Variants in WDR33 observed in about 807,000 individuals in gnomAD.
WDR33 encodes WD repeat domain 33.
In WDR33, 47 loss-of-function variants were observed where a neutral mutation model predicts 164.9. The ratio of observed to expected loss-of-function variants is 0.29; its 90% CI spans 0.23 to 0.36. WDR33 has a LOEUF of 0.36. Among genes scored for constraint, WDR33 ranks in the 10% least tolerant of loss-of-function variants. The probability of loss-of-function intolerance (pLI) is 1.00; values close to 1 mark genes in which losing one functional copy is unlikely to be tolerated. For synonymous variants in WDR33, 505 were observed against 589.0 expected (o/e 0.86, Z 2.06); for missense variants, 1,137 against 1,754.1 (o/e 0.65, Z 6.28).
At chr2:127,731,693 G>C (rs1686710795) in intron 7 of WDR33, among the ~76,000 whole-genome samples, 1 of 152,122 alleles carries the variant, frequency 6.6e-6, no homozygotes, top group Non-Finnish European at 1.5e-5. Flanking sequence ...GGACCTTTTT[G>C]GGGGTTTTGG....
At chr2:127,778,644 C>A (rs1225066610) in intron 1 of WDR33, among the ~76,000 whole-genome samples, 1 of 151,914 alleles carries the variant, frequency 6.6e-6, no homozygotes, top group African/African-American at 2.4e-5. Flanking sequence ...GGCACTATTA[C>A]AAGGGATATA....
intron 7 of WDR33, among the ~76,000 whole-genome samples, chr2:127,754,981 C>G (rs1216780611): frequency 6.6e-6 from 1 of 152,122 alleles, no homozygotes; most frequent in African/African-American, 2.4e-5. Flanking sequence ...AAAAATGAAG[C>G]TCCACCACTC....
chr2:127,765,820 C>T (rs1687804266), intron 4 of WDR33, among the ~76,000 whole-genome samples: 1 of 151,442 alleles, frequency 6.6e-6, no homozygotes, highest in Non-Finnish European at 1.5e-5. Context: ...AGTAAGCTCT[C>T]CTCCATTCAA....
intron 7 of WDR33, chr2:127,737,591 CT>C: frequency 3.0e-6 from 3 of 995,848 alleles, no homozygotes; most frequent in Non-Finnish European, 3.6e-6. Context: ...AGTACCTACA[CT>C]ACGTTAATAA....
intron 7 of WDR33, among the ~76,000 whole-genome samples, chr2:127,761,355 G>A (rs921924046): frequency 5.9e-5 from 9 of 151,680 alleles, no homozygotes; most frequent in African/African-American, 1.9e-4. Context: ...CGCCCACCAC[G>A]ACACCCAGCT....
Position 127,719,703 on chromosome 2 carries a change from T to A in WDR33, c.2322A>T (p.Gly774=). 3 of 1,613,558 alleles carry A rather than the reference T, an allele frequency of 1.9e-6. No homozygotes were observed. Among genetic ancestry groups the A allele is most frequent in the Non-Finnish European group, 2.5e-6 (3 of 1,179,892 alleles). ...CTCTTGGATTCAATCCCATCAGAGG[T>A]CCCTGAGACACAGGACCTTGGATCC... is the stretch of plus-strand genomic sequence containing the variant. ...SQGIQGPVSQ[G]PLMGLNPRGM... Residue 774 remains glycine (G), a synonymous_variant, in exon 16 of 22, where the codon GGA becomes GGT. Coordinates refer to ENST00000322313, the MANE Select transcript of WDR33 (RefSeq NM_018383.5). This position sits in a 1 kb window ranked among gnomAD's most constrained non-coding sequence, Gnocchi z 6.5.
intron 1 of WDR33, among the ~76,000 whole-genome samples, chr2:127,773,546 G>A (rs1688080976): frequency 6.6e-6 from 1 of 152,092 alleles, no homozygotes; most frequent in Non-Finnish European, 1.5e-5. Flanking sequence ...AAGGTCCTTG[G>A]CAAACATTAA....
At position 127,712,199 on chromosome 2, in the gene WDR33, C is replaced by T. The variant is rs191292996; in HGVS notation, c.3308+1384G>A. Among the ~76,000 whole-genome samples, 249 of 152,056 alleles carry T rather than the reference C, an allele frequency of 1.6e-3. No individual in the cohort carries two copies. Among genetic ancestry groups the T allele is most frequent in the Non-Finnish European group, 3.2e-3 (219 of 67,962 alleles). On this transcript the variant is annotated intron_variant, in intron 18 of 21. Transcript: ENST00000322313. The surrounding 1 kb of genome is among the most constrained non-coding windows in gnomAD (Gnocchi z 4.0). ...ATCACTTGAGGTCAGGAGTTCAAGA[C>T]GAGCCTGGCCAACATGGTGAAACCT...
chr2:127,701,871 G>A lies in WDR33; in HGVS notation c.*4452C>T, dbSNP rs1297222881. 1 of 1,459,964 alleles carries A rather than the reference G, an allele frequency of 6.8e-7. No individual in the cohort carries two copies. 90.4% of individuals were successfully genotyped at this position (1,459,964 alleles called of 1,614,324 possible). On this transcript the variant is annotated 3_prime_UTR_variant, in exon 22 of 22. Transcript: ENST00000322313. ...CAAGTTCGCGCTGCTCTGGTCACTG[G>A]GCTCGGCGCTGGCGTTGGCGGGAAG...
At chr2:127,751,574 A>G (rs1687364553) in intron 7 of WDR33, among the ~76,000 whole-genome samples, 1 of 151,880 alleles carries the variant, frequency 6.6e-6, no homozygotes, top group Non-Finnish European at 1.5e-5. Flanking sequence ...TAAATTTTAA[A>G]ATCAGAATAC....
At chr2:127,794,849 A>AAAAAGAAAG (rs1553481251) in intron 1 of WDR33, among the ~76,000 whole-genome samples, 7 of 142,678 alleles carry the variant, frequency 4.9e-5, no homozygotes, top group Admixed American at 1.4e-4. Context: ...AAAAAAAAAA[A>AAAAAGAAAG]AAAGAAAGAA....
In WDR33 at chr2:127,721,656, A is replaced by T. The variant is rs72846245; in HGVS notation, c.1671+180T>A. Among the ~76,000 whole-genome samples, 19,421 of 152,212 alleles carry T rather than the reference A, an allele frequency of 0.13. 1,363 individuals are homozygous for T. The highest frequency in any genetic ancestry group is 0.22 in the Middle Eastern group (66 of 294). ...ACAAAATACATAAATAACACATTTT[A>T]AAAAATTTTAAGAAACAGGATTCTT... On this transcript the variant is annotated intron_variant, in intron 15 of 21. Transcript: ENST00000322313. This position sits in a 1 kb window ranked among gnomAD's most constrained non-coding sequence, Gnocchi z 4.9.
At chr2:127,725,279 T>A (rs1310386478) in intron 8 of WDR33, 64 bp from the exon 9 acceptor site, 2 of 1,502,126 alleles carry the variant, frequency 1.3e-6, no homozygotes. Context: ...AATGGCCATT[T>A]TTGTTGAAAA....
rs111504277 is a variant in WDR33 at position 127,722,018 on chromosome 2, C to G, written c.1519-30G>C. The G allele has an allele frequency of 1.1e-5, 17 of 1,601,444 alleles. No homozygotes were observed. The highest frequency in any genetic ancestry group is 1.8e-5 in the Admixed American group (1 of 56,110). ...GGAAAGAAGAGAATATTAAAATGTA[C>G]GCTAAGTATGAAAATTACAATGATA... On this transcript the variant is annotated intron_variant, in intron 14 of 21. Coordinates refer to ENST00000322313, the MANE Select transcript of WDR33 (RefSeq NM_018383.5). The surrounding 1 kb of genome is among the most constrained non-coding windows in gnomAD (Gnocchi z 5.1).
intron 1 of WDR33, among the ~76,000 whole-genome samples, chr2:127,791,159 A>AC (rs1270529963): frequency 0.036 from 1,239 of 34,302 alleles, 6 homozygotes; most frequent in Middle Eastern, 0.069. Flanking sequence ...CTCTTTCCCC[A>AC]CCCCACCCCC....
At position 127,704,677 on chromosome 2, in the gene WDR33, C is replaced by T. The variant is rs766579945; in HGVS notation, c.*1646G>A. 3.0e-5 allele frequency: 5 copies of T among 167,064 alleles called. No individual in the cohort carries two copies. Among genetic ancestry groups the T allele is most frequent in the Non-Finnish European group, 5.9e-5 (4 of 68,112 alleles). The allele number at this position is 167,064 out of a possible 1,614,324, so 10.3% of individuals were successfully genotyped here. A position where few individuals can be genotyped will look rare whatever the true frequency, so the allele number is the denominator to read the frequency against. On this transcript the variant is annotated 3_prime_UTR_variant, in exon 22 of 22. Coordinates refer to ENST00000322313, the MANE Select transcript of WDR33 (RefSeq NM_018383.5). Reference sequence around the variant, plus strand: ...AAGCAGTGTATATGGCTGACATTTTCTCACTCCACAGAAATCAATTAGCTT... The same window carrying T: ...AAGCAGTGTATATGGCTGACATTTTTTCACTCCACAGAAATCAATTAGCTT...
At chr2:127,799,666 G>A (rs1205940835) in intron 1 of WDR33, among the ~76,000 whole-genome samples, 1 of 152,114 alleles carries the variant, frequency 6.6e-6, no homozygotes, top group Admixed American at 6.6e-5. Flanking sequence ...ATGGTGGCAG[G>A]CACCTGTAAT....
chr2:127,783,093 T>G (rs185229648), intron 1 of WDR33, among the ~76,000 whole-genome samples: 8 of 152,314 alleles, frequency 5.3e-5, no homozygotes, highest in African/African-American at 1.7e-4. Flanking sequence ...TTAAAGGACT[T>G]GAGCATCTGT....
At chr2:127,762,981 C>T in intron 7 of WDR33, 81 bp downstream of exon 7, 1 of 1,600,676 alleles carries the variant, frequency 6.2e-7, no homozygotes, top group Non-Finnish European at 8.5e-7. Flanking sequence ...AGGTGTAAGC[C>T]AGTATTGTGG....
Sources: gnomAD v4.1 joint callset for allele counts (sites outside exome capture counted in the v4.1 genomes callset) on GRCh38, gnomAD v4.1.1 for gene constraint, Gnocchi (gnomAD v3.1) non-coding constraint, MANE v1.5 for transcripts, NCBI Gene and HGNC (gene_info 2026-07-23, HGNC 2026-07-21) for gene names.